The following SAMD12 variants were observed in gnomAD, a reference collection of about 807,000 sequenced individuals.
The protein encoded by SAMD12 is sterile alpha motif domain containing 12.
Under a neutral mutation model 15.0 loss-of-function variants are expected in SAMD12, and 9 were observed. That is an observed-to-expected ratio of 0.60 (90% CI 0.36 to 1.05). The LOEUF (loss-of-function observed/expected upper bound fraction) is 1.05. Among genes scored for constraint, SAMD12 ranks in the 50% least tolerant of loss-of-function variants. The pLI is 0.01. For missense variants in SAMD12, 230 were observed against 234.2 expected, an observed-to-expected ratio of 0.98 and a Z score of 0.12; for synonymous variants, 86 against 90.1, an observed-to-expected ratio of 0.96 and a Z score of 0.25.
At chr8:118,468,191 T>A (rs6985310) in intron 2 of SAMD12, among the ~76,000 whole-genome samples, 2,619 of 152,190 alleles carry the variant, frequency 0.017, 81 homozygotes, top group African/African-American at 0.06. Flanking sequence ...CCTAACAATA[T>A]GAACAACATA....
intron 4 of SAMD12, among the ~76,000 whole-genome samples, chr8:118,368,408 G>A (rs1347207303): frequency 1.3e-5 from 2 of 152,096 alleles, no homozygotes; most frequent in Non-Finnish European, 2.9e-5. Flanking sequence ...ATAGAAGAAG[G>A]TTCACTTAAC....
chr8:118,433,770 T>TA (rs1282535132), intron 3 of SAMD12, among the ~76,000 whole-genome samples: 2 of 151,976 alleles, frequency 1.3e-5, no homozygotes, highest in Admixed American at 1.3e-4. Context: ...AAAAAACAAA[T>TA]ACAAAGAGAT....
chr8:118,615,299 G>T (rs1041421995), intron 1 of SAMD12, among the ~76,000 whole-genome samples: 1 of 152,116 alleles, frequency 6.6e-6, no homozygotes, highest in African/African-American at 2.4e-5. Flanking sequence ...TGCTCCATTT[G>T]TTCTCAGACC....
Position 118,379,679 on chromosome 8 carries a change from G to T in SAMD12, c.344C>A (p.Thr115Asn), listed in dbSNP as rs1439393750. The T allele has an allele frequency of 6.2e-7, 1 of 1,613,710 alleles. No individual in the cohort carries two copies. Among genetic ancestry groups the T allele is most frequent in the South Asian group, 1.1e-5 (1 of 91,076 alleles). ...CCCCATTCGCTCGAGCTTTTTGTCA[G>T]TAAGTCTCAGCAGGGCTCGCCCTGC... is the stretch of plus-strand genomic sequence containing the variant. ...DITGRALLRL[T>N]DKKLERMGIA... The change falls in exon 4 of 4, where the codon ACT becomes AAT. Residue 115 changes from threonine (T) to asparagine (N), a missense_variant. Physicochemically the swap from Thr to Asn is moderately conservative, Grantham distance 65. Transcript: ENST00000314727.
the SAMD12 span, among the ~76,000 whole-genome samples, chr8:118,154,235 C>G: frequency 6.6e-6 from 1 of 152,058 alleles, no homozygotes; most frequent in Admixed American, 6.6e-5. Flanking sequence ...AATCTGGCTC[C>G]CTTTTCAGCG....
At position 118,288,544 on chromosome 8, in the gene SAMD12, T is replaced by C. The variant is rs577085585; in HGVS notation, c.434-90812A>G. Among the ~76,000 whole-genome samples, 4 of 152,286 alleles carry C rather than the reference T, an allele frequency of 2.6e-5. No individual in the cohort carries two copies. In the East Asian group the frequency reaches 5.8e-4, roughly 22 times the overall value. On this transcript the variant is annotated intron_variant, in intron 4 of 4. Transcript: ENST00000409003. The stretch of plus-strand genomic sequence containing the variant: ...TTTTGAAGACCCTCATAAACTACAA[T>C]TAGTCCACAATAACTAGCAAGAAAC...
intron 4 of SAMD12, among the ~76,000 whole-genome samples, chr8:118,213,037 G>A (rs2514959): frequency 0.51 from 77,083 of 152,002 alleles, 21,146 homozygotes; most frequent in Non-Finnish European, 0.62. Flanking sequence ...GGTGGAGGGA[G>A]GCTGGACCTC....
At chr8:118,232,221 T>C (rs1427508049) in intron 4 of SAMD12, among the ~76,000 whole-genome samples, 3 of 152,100 alleles carry the variant, frequency 2.0e-5, no homozygotes, top group Non-Finnish European at 4.4e-5. Flanking sequence ...AAAATCAAGG[T>C]TGTGATTAGA....
chr8:118,424,632 T>C (rs563964056), intron 3 of SAMD12, among the ~76,000 whole-genome samples: 5 of 152,126 alleles, frequency 3.3e-5, no homozygotes, highest in Non-Finnish European at 4.4e-5. Context: ...ACAGGGAACA[T>C]GGGGGATCAA....
At chr8:118,150,020 C>G in the SAMD12 span, among the ~76,000 whole-genome samples, 1 of 152,206 alleles carries the variant, frequency 6.6e-6, no homozygotes, top group Non-Finnish European at 1.5e-5. Context: ...CCCCTCCCTT[C>G]CCATCACCAG....
the SAMD12 span, among the ~76,000 whole-genome samples, chr8:118,156,427 T>G: frequency 6.6e-6 from 1 of 152,190 alleles, no homozygotes; most frequent in South Asian, 2.1e-4. Flanking sequence ...AGTTGAGATT[T>G]TCTTTTGTGT....
At chr8:118,544,856 T>C (rs1439924543) in intron 2 of SAMD12, among the ~76,000 whole-genome samples, 1 of 152,226 alleles carries the variant, frequency 6.6e-6, no homozygotes, top group East Asian at 1.9e-4. Context: ...ATGTTAGTTT[T>C]CTTGAGAACA....
intron 4 of SAMD12, among the ~76,000 whole-genome samples, chr8:118,365,933 T>C (rs1563798887): frequency 1.3e-5 from 2 of 152,132 alleles, no homozygotes; most frequent in Non-Finnish European, 2.9e-5. Context: ...CAAAGCATAA[T>C]TAATGACCCC....
chr8:118,197,507 G>A, exon 5 of SAMD12: 1 of 625,880 alleles, frequency 1.6e-6, no homozygotes, highest in Non-Finnish European at 2.9e-6. Flanking sequence ...ATTATATTAT[G>A]CACCTCATTT....
intron 3 of SAMD12, among the ~76,000 whole-genome samples, chr8:118,393,009 T>C (rs1409387612): frequency 6.6e-6 from 1 of 152,140 alleles, no homozygotes; most frequent in Admixed American, 6.5e-5. Context: ...TAGGGGTTTA[T>C]AGGACTCAGG....
intron 1 of SAMD12, among the ~76,000 whole-genome samples, chr8:118,582,700 A>G (rs1428518906): frequency 2.6e-5 from 4 of 152,196 alleles, no homozygotes; most frequent in Non-Finnish European, 5.9e-5. Context: ...TTAGGTTCAC[A>G]AAAGGGCATA....
At chr8:118,248,323 T>C (rs1189905574) in intron 4 of SAMD12, among the ~76,000 whole-genome samples, 1 of 152,208 alleles carries the variant, frequency 6.6e-6, no homozygotes, top group Admixed American at 6.5e-5. Context: ...ATCTTCATTA[T>C]GCCACATTAC....
At chr8:118,385,427 G>C (rs1171484964) in intron 3 of SAMD12, among the ~76,000 whole-genome samples, 1 of 152,154 alleles carries the variant, frequency 6.6e-6, no homozygotes, top group Non-Finnish European at 1.5e-5. Flanking sequence ...TAGGATGTTA[G>C]CTCTTCCTGG....
At position 118,209,077 on chromosome 8, in the gene SAMD12, T is replaced by C. The variant is rs1819946648; in HGVS notation, c.434-11345A>G. On this transcript the variant is annotated intron_variant, in intron 4 of 4. Transcript: ENST00000409003. ...ATCAAGCAAGAAATCTTATGAGAAA[T>C]AGTTCCTTTGTTATGAGCTCTTTCC... 2.6e-5 allele frequency among the ~76,000 whole-genome samples: 4 copies of C among 152,212 alleles called. No homozygotes were observed. In the South Asian group the frequency reaches 8.3e-4, roughly 31 times the overall value.
Sources: gnomAD v4.1 joint callset for allele counts (sites outside exome capture counted in the v4.1 genomes callset) on GRCh38, gnomAD v4.1.1 for gene constraint, MANE v1.5 for transcripts, NCBI Gene and HGNC (gene_info 2026-07-23, HGNC 2026-07-21) for gene names.